MYCBP2: variants seen among roughly 807,000 people sequenced by gnomAD.
The protein encoded by MYCBP2 is E3 ubiquitin-protein ligase MYCBP2.
Under a neutral mutation model 525.3 loss-of-function variants are expected in MYCBP2, and 120 were observed. The ratio of observed to expected loss-of-function variants is 0.23; its 90% confidence interval spans 0.20 to 0.27. The LOEUF is 0.27. Among genes scored for constraint, MYCBP2 ranks in the 10% least tolerant of loss-of-function variants. The probability of loss-of-function intolerance (pLI) is 1.00; values close to 1 mark genes in which losing one functional copy is unlikely to be tolerated. For missense variants in MYCBP2, 4,149 were observed against 5,657.1 expected, an observed-to-expected ratio of 0.73 and a Z score of 8.55; for synonymous variants, 1,894 against 1,955.8, an observed-to-expected ratio of 0.97 and a Z score of 0.83.
At chr13:77,262,319 C>T (rs1239106869) in intron 10 of MYCBP2, among the ~76,000 whole-genome samples, 190 bp from the exon 11 acceptor site, 1 of 152,030 alleles carries the variant, frequency 6.6e-6, no homozygotes, top group Admixed American at 6.6e-5. Context: ...ATAAAGTTAT[C>T]ATAATCTGTT....
At chr13:77,062,539 A>C in intron 74 of MYCBP2, 57 bp downstream of exon 74, 1 of 1,429,530 alleles carries the variant, frequency 7.0e-7, no homozygotes, top group Non-Finnish European at 9.8e-7. Context: ...TTTTAAGCTA[A>C]GCTAAAGCTT....
chr13:77,227,213 A>T (rs2066399533), intron 18 of MYCBP2, among the ~76,000 whole-genome samples: 1 of 152,070 alleles, frequency 6.6e-6, no homozygotes, highest in Non-Finnish European at 1.5e-5. Context: ...AAGATCACAA[A>T]TACTGCATCT....
chr13:77,138,666 C>T (rs564926456), intron 52 of MYCBP2, among the ~76,000 whole-genome samples: 1 of 152,248 alleles, frequency 6.6e-6, no homozygotes, highest in South Asian at 2.1e-4. Context: ...ACAATGAATT[C>T]TCTCAAAGAC....
At chr13:77,069,868 G>GAA (rs976477032) in intron 69 of MYCBP2, among the ~76,000 whole-genome samples, 1 of 141,640 alleles carries the variant, frequency 7.1e-6, no homozygotes. Flanking sequence ...ACTCCCTCTC[G>GAA]AAAAAAAAAA....
chr13:77,072,472 T>C (rs1030647762), intron 68 of MYCBP2, among the ~76,000 whole-genome samples: 2 of 152,072 alleles, frequency 1.3e-5, no homozygotes, highest in Admixed American at 6.5e-5. Flanking sequence ...TCTTGGAGTC[T>C]ACGATCTGAT....
At position 77,302,513 on chromosome 13, in the gene MYCBP2, C is replaced by G. The variant is rs187332694; in HGVS notation, c.303-5839G>C. 4.7e-3 allele frequency among the ~76,000 whole-genome samples: 711 copies of G among 152,018 alleles called. 3 individuals carry two copies. The highest frequency in any genetic ancestry group is 0.015 in the African/African-American group (622 of 41,428). On this transcript the variant is annotated intron_variant, in intron 1 of 82. Transcript: ENST00000544440. The stretch of plus-strand genomic sequence containing the variant: ...AAAGATGTTTTTAGATCCATGAAAG[C>G]TGATATAATTCACATAAAGGATTCT...
rs1042383017 is a variant in MYCBP2 at position 77,058,579 on chromosome 13, T to G, written c.13141-173A>C. 4.6e-5 allele frequency among the ~76,000 whole-genome samples: 7 copies of G among 152,170 alleles called. No homozygotes were observed. Among genetic ancestry groups the G allele is most frequent in the African/African-American group, 1.2e-4 (5 of 41,440 alleles). Reference sequence around the variant, plus strand: ...TCTTTGTTTGAATATAAATTAGGCTTCTTAACAAAGTTTTTTTTTTTTGAT... The same window carrying G: ...TCTTTGTTTGAATATAAATTAGGCTGCTTAACAAAGTTTTTTTTTTTTGAT... On this transcript the variant is annotated intron_variant, in intron 77 of 82. Transcript: ENST00000544440. This position sits in a 1 kb window ranked among gnomAD's most constrained non-coding sequence, Gnocchi z 4.1.
At chr13:77,060,511 G>A (rs1218936747) in intron 76 of MYCBP2, among the ~76,000 whole-genome samples, 1 of 152,170 alleles carries the variant, frequency 6.6e-6, no homozygotes, top group East Asian at 1.9e-4. Flanking sequence ...CTGCAGATGT[G>A]CTGAAAACTG....
chr13:77,168,774 G>A, intron 39 of MYCBP2, 128 bp from the exon 40 acceptor site: 1 of 747,782 alleles, frequency 1.3e-6, no homozygotes, highest in South Asian at 1.9e-5. Flanking sequence ...TTAAGTTTTT[G>A]TCCAAAGAGA....
Position 77,058,548 on chromosome 13 carries a change from T to C in MYCBP2, c.13141-142A>G, listed in dbSNP as rs2038623193. On this transcript the variant is annotated intron_variant, in intron 77 of 82. Transcript: ENST00000544440. This position sits in a 1 kb window ranked among gnomAD's most constrained non-coding sequence, Gnocchi z 4.1. ...CCAAGTAACAACAAAGTAAAGTTAT[T>C]TCTAATCTTTGTTTGAATATAAATT... 1 of 644,328 alleles carries C rather than the reference T, an allele frequency of 1.6e-6. No individual in the cohort carries two copies. The allele number at this position is 644,328 out of a possible 1,614,324, so 39.9% of individuals were successfully genotyped here. A position where few individuals can be genotyped will look rare whatever the true frequency, so the allele number is the denominator to read the frequency against.
chr13:77,269,407 G>A (rs769323778), intron 7 of MYCBP2, among the ~76,000 whole-genome samples: 8 of 152,110 alleles, frequency 5.3e-5, no homozygotes, highest in Non-Finnish European at 8.8e-5. Flanking sequence ...AGGCCCAGGC[G>A]GGTGGCTCAC....
At chr13:77,322,584 G>A (rs767928694) in intron 1 of MYCBP2, among the ~76,000 whole-genome samples, 10 of 152,194 alleles carry the variant, frequency 6.6e-5, no homozygotes, top group Non-Finnish European at 1.0e-4. Context: ...AATAACAACA[G>A]GTAACATTTC....
rs1328136482 is a variant in MYCBP2 at position 77,251,173 on chromosome 13, G to A, written c.2359C>T (p.Arg787Trp). 2 of 1,613,960 alleles carry A rather than the reference G, an allele frequency of 1.2e-6. No homozygotes were observed. The highest frequency in any genetic ancestry group is 1.7e-6 in the Non-Finnish European group (2 of 1,180,020). ...TACCCTCCGGGGACTCTGTCTGGCC[G>A]TCCACTACTGACACAGCTGGCTCCA... ...GYGASCVSSGRPDRVPGGICG... is the reference protein window; with the variant it reads ...GYGASCVSSGWPDRVPGGICG... The change falls in exon 15 of 83, where the codon CGG becomes TGG. Residue 787 changes from arginine (R) to tryptophan (W), a missense_variant. By Grantham distance (101) the Arg-to-Trp change is moderately radical (BLOSUM62 -3). Around this residue, in one of 21 missense-constraint regions of MYCBP2, gnomAD observed 620 missense variants for 795.5 expected, o/e 0.78. Coordinates refer to ENST00000544440, the MANE Select transcript of MYCBP2 (RefSeq NM_015057.5).
At chr13:77,323,701 A>G (rs1216670196) in intron 1 of MYCBP2, among the ~76,000 whole-genome samples, 3 of 152,228 alleles carry the variant, frequency 2.0e-5, no homozygotes, top group African/African-American at 4.8e-5. Context: ...AGCATCTGCA[A>G]TACTGCCTGG....
intron 55 of MYCBP2, among the ~76,000 whole-genome samples, chr13:77,112,570 T>TCTCAA (rs2049016458): frequency 6.6e-6 from 1 of 151,716 alleles, no homozygotes; most frequent in Non-Finnish European, 1.5e-5. Flanking sequence ...GGATTACAGG[T>TCTCAA]GTGCATCACT....
chr13:77,297,933 T>A (rs2078369207), intron 1 of MYCBP2, among the ~76,000 whole-genome samples: 1 of 152,172 alleles, frequency 6.6e-6, no homozygotes, highest in East Asian at 1.9e-4. Context: ...TTTCTGCACA[T>A]CCATACCCTT....
Position 77,327,021 on chromosome 13 carries a change from G to C in MYCBP2, c.-246C>G, listed in dbSNP as rs2082402259. 1 of 438,706 alleles carries C rather than the reference G, an allele frequency of 2.3e-6. No individual in the cohort carries two copies. Among genetic ancestry groups the C allele is most frequent in the Admixed American group, 4.4e-5 (1 of 22,834 alleles). The allele number at this position is 438,706 out of a possible 1,614,324, so 27.2% of individuals were successfully genotyped here. The stretch of plus-strand genomic sequence containing the variant: ...CGCCACCCCGGGAATGTGAGGAGGA[G>C]GCGGTGCCGCCACTGCCGCCGCCAC... On this transcript the variant is annotated 5_prime_UTR_variant, in exon 1 of 83. Transcript: ENST00000544440.
intron 52 of MYCBP2, among the ~76,000 whole-genome samples, chr13:77,131,507 C>CAA (rs2052799134): frequency 1.2e-5 from 1 of 85,724 alleles, no homozygotes; most frequent in African/African-American, 3.3e-5. Flanking sequence ...CACACACACA[C>CAA]ACACAAACAA....
intron 15 of MYCBP2, among the ~76,000 whole-genome samples, chr13:77,249,290 A>G (rs187858719): frequency 2.5e-4 from 38 of 152,352 alleles, no homozygotes; most frequent in Middle Eastern, 3.4e-3. Flanking sequence ...TTATCATAAT[A>G]AGATATGTAG....
Sources: gnomAD v4.1 joint callset for allele counts (sites outside exome capture counted in the v4.1 genomes callset) on GRCh38, gnomAD v4.1.1 for gene constraint, gnomAD v4.1.1 regional missense constraint, Gnocchi (gnomAD v3.1) non-coding constraint, MANE v1.5 for transcripts, NCBI Gene and HGNC (gene_info 2026-07-23, HGNC 2026-07-21) for gene names.